The following ERBB4 variants were observed in gnomAD, a reference collection of about 807,000 sequenced individuals.
ERBB4 encodes the protein receptor tyrosine-protein kinase erbB-4.
ERBB4 carries 42 observed loss-of-function variants against 158.0 expected under a neutral mutation model. The ratio of observed to expected loss-of-function variants is 0.27; its 90% CI spans 0.21 to 0.34. The LOEUF (loss-of-function observed/expected upper bound fraction) is 0.34, where lower values mean the gene tolerates loss of function less well. Ranked by LOEUF, ERBB4 falls within the 10% of genes least tolerant of loss-of-function variation. ERBB4 has a pLI of 1.00. For synonymous variants in ERBB4, 583 were observed against 558.7 expected, an observed-to-expected ratio of 1.04 and a Z score of -0.61; for missense variants, 1,333 against 1,624.1, an observed-to-expected ratio of 0.82 and a Z score of 3.08.
rs146362862 is a variant in ERBB4 at position 211,663,493 on chromosome 2, A to G, written c.1871+1830T>C. On this transcript the variant is annotated intron_variant, in intron 15 of 27. Transcript: ENST00000342788. ...GCTCTGGTGAGATTTCTTCCCCATT[A>G]CACCTTCATCCTTCCTTTTGACTGA... 1.7e-3 allele frequency among the ~76,000 whole-genome samples: 255 copies of G among 152,238 alleles called. 1 individual carries two copies. Among genetic ancestry groups the G allele is most frequent in the African/African-American group, 5.7e-3 (237 of 41,560 alleles).
At chr2:212,518,100 A>G (rs1575069982) in intron 1 of ERBB4, among the ~76,000 whole-genome samples, 2 of 152,176 alleles carry the variant, frequency 1.3e-5, no homozygotes, top group Non-Finnish European at 2.9e-5. Flanking sequence ...TACATATTTA[A>G]TTTATAGTTT....
intron 20 of ERBB4, among the ~76,000 whole-genome samples, chr2:211,454,670 A>G (rs1229765877): frequency 6.6e-6 from 1 of 152,182 alleles, no homozygotes; most frequent in Non-Finnish European, 1.5e-5. Flanking sequence ...TCAGGGGGTT[A>G]TTGGTTTAAT....
chr2:211,584,144 T>C (rs999736908), intron 19 of ERBB4, among the ~76,000 whole-genome samples: 1 of 151,452 alleles, frequency 6.6e-6, no homozygotes, highest in Non-Finnish European at 1.5e-5. Context: ...GTTTTCAACA[T>C]ACATATCTTG....
At chr2:211,784,234 C>T (rs936288549) in intron 4 of ERBB4, among the ~76,000 whole-genome samples, 1 of 152,182 alleles carries the variant, frequency 6.6e-6, no homozygotes, top group African/African-American at 2.4e-5. Flanking sequence ...CAACTTGACT[C>T]GTTAAAGAGC....
At chr2:211,821,957 T>C (rs2077005599) in intron 3 of ERBB4, among the ~76,000 whole-genome samples, 1 of 151,934 alleles carries the variant, frequency 6.6e-6, no homozygotes, top group Non-Finnish European at 1.5e-5. Flanking sequence ...AAAGATTTTA[T>C]GAATAAGACC....
intron 1 of ERBB4, among the ~76,000 whole-genome samples, chr2:212,219,701 T>C (rs1223954020): frequency 1.3e-5 from 2 of 151,238 alleles, no homozygotes; most frequent in African/African-American, 4.8e-5. Context: ...ACACCCCATA[T>C]CCTGATCATT....
chr2:211,508,042 C>T (rs1322600668), intron 20 of ERBB4, among the ~76,000 whole-genome samples: 1 of 152,086 alleles, frequency 6.6e-6, no homozygotes, highest in Non-Finnish European at 1.5e-5. Context: ...TAGAAGAAAA[C>T]CTAGGCAATA....
intron 5 of ERBB4, among the ~76,000 whole-genome samples, chr2:211,744,495 A>G (rs1378746459): frequency 6.6e-6 from 1 of 152,158 alleles, no homozygotes; most frequent in East Asian, 1.9e-4. Context: ...CCTCCCACAG[A>G]CCTTCCCTGA....
intron 4 of ERBB4, among the ~76,000 whole-genome samples, chr2:211,776,646 GA>G (rs1301262560): frequency 6.6e-6 from 1 of 152,202 alleles, no homozygotes; most frequent in Non-Finnish European, 1.5e-5. Context: ...ATACGTAAGT[GA>G]AAATTAAAAT....
chr2:212,253,776 A>G (rs185845981), intron 1 of ERBB4, among the ~76,000 whole-genome samples: 1 of 152,290 alleles, frequency 6.6e-6, no homozygotes, highest in East Asian at 1.9e-4. Context: ...AATGAAGGGG[A>G]TATGTTCTGA....
chr2:212,151,927 G>C (rs2080886601), intron 1 of ERBB4, among the ~76,000 whole-genome samples: 1 of 152,114 alleles, frequency 6.6e-6, no homozygotes, highest in South Asian at 2.1e-4. Context: ...CATTTCATAA[G>C]AATACTAGTG....
At chr2:211,543,685 A>C (rs936692964) in intron 20 of ERBB4, among the ~76,000 whole-genome samples, 3 of 151,918 alleles carry the variant, frequency 2.0e-5, no homozygotes, top group African/African-American at 7.2e-5. Flanking sequence ...ATCACAGTCC[A>C]TAGGAGAATT....
chr2:212,036,986 G>A (rs867748276), intron 2 of ERBB4, among the ~76,000 whole-genome samples: 61 of 152,038 alleles, frequency 4.0e-4, no homozygotes, highest in African/African-American at 1.2e-3. Context: ...ACAGTTTGAG[G>A]GCTATTTCTA....
At chr2:211,555,566 G>A (rs1380611858) in intron 20 of ERBB4, among the ~76,000 whole-genome samples, 1 of 152,158 alleles carries the variant, frequency 6.6e-6, no homozygotes, top group Non-Finnish European at 1.5e-5. Context: ...CAATACAAAT[G>A]AAAATATTTT....
At chr2:212,259,952 C>G (rs1399924420) in intron 1 of ERBB4, among the ~76,000 whole-genome samples, 1 of 151,712 alleles carries the variant, frequency 6.6e-6, no homozygotes, top group Non-Finnish European at 1.5e-5. Flanking sequence ...TCCTGTAATC[C>G]CAGCTACTCA....
At chr2:211,974,671 C>G (rs1397738801) in intron 2 of ERBB4, among the ~76,000 whole-genome samples, 2 of 152,154 alleles carry the variant, frequency 1.3e-5, no homozygotes, top group Non-Finnish European at 2.9e-5. Flanking sequence ...GGGAGCATCT[C>G]TGGAGCCCTG....
intron 6 of ERBB4, among the ~76,000 whole-genome samples, chr2:211,724,819 A>G (rs1425799521): frequency 6.6e-6 from 1 of 152,232 alleles, no homozygotes; most frequent in African/African-American, 2.4e-5. Context: ...ATAAAAAGAT[A>G]TCTCAATATG....
chr2:212,157,689 T>C (rs556351461), intron 1 of ERBB4, among the ~76,000 whole-genome samples: 1 of 152,250 alleles, frequency 6.6e-6, no homozygotes, highest in African/African-American at 2.4e-5. Flanking sequence ...ATGAAGTTTA[T>C]CAATTGATAA....
At chr2:211,770,017 G>T (rs1219966392) in intron 4 of ERBB4, among the ~76,000 whole-genome samples, 1 of 152,190 alleles carries the variant, frequency 6.6e-6, no homozygotes, top group African/African-American at 2.4e-5. Context: ...AACCATCACA[G>T]ATGAGTGTTT....
Sources: gnomAD v4.1 joint callset for allele counts (sites outside exome capture counted in the v4.1 genomes callset) on GRCh38, gnomAD v4.1.1 for gene constraint, MANE v1.5 for transcripts, NCBI Gene and HGNC (gene_info 2026-07-23, HGNC 2026-07-21) for gene names.